The following PCDHA11 variants were observed in gnomAD, a reference collection of about 807,000 sequenced individuals.
The protein encoded by PCDHA11 is protocadherin alpha 11, also known as protocadherin alpha-11.
PCDHA11 carries 61 observed loss-of-function variants against 70.3 expected under a neutral mutation model. The ratio of observed to expected loss-of-function variants is 0.87; its 90% CI spans 0.71 to 1.07. The LOEUF (loss-of-function observed/expected upper bound fraction) is 1.07. PCDHA11 is among the 50% of genes least tolerant of loss of function. The pLI is 0.00. For missense variants in PCDHA11, 1,324 were observed against 1,237.5 expected, an observed-to-expected ratio of 1.07 and a Z score of -1.05; for synonymous variants, 633 against 555.1, an observed-to-expected ratio of 1.14 and a Z score of -1.97.
In PCDHA11 at chr5:140,870,784, G is replaced by T. The variant is rs374163229; in HGVS notation, c.1681G>T (p.Ala561Ser). The T allele has an allele frequency of 3.1e-6, 5 of 1,613,574 alleles. No individual in the cohort carries two copies. The highest frequency in any genetic ancestry group is 4.2e-6 in the Non-Finnish European group (5 of 1,179,882). The change falls in exon 1 of 4, where the codon GCG (alanine) becomes TCG (serine). Residue 561 changes from alanine (A) to serine (S), a missense_variant. Ala to Ser is a moderately conservative substitution (Grantham distance 99, BLOSUM62 1). Transcript: ENST00000398640. ...QVFVLDENDN[A>S]PALLATQAGS... ...GTTCGTGCTGGACGAGAACGACAAC[G>T]CGCCGGCACTGCTGGCGACTCAGGC...
intron 1 of PCDHA11, among the ~76,000 whole-genome samples, chr5:140,903,073 T>C (rs1181656778): frequency 6.6e-6 from 1 of 152,196 alleles, no homozygotes; most frequent in Admixed American, 6.5e-5. Context: ...TTTGGGTAGA[T>C]ACCTGATAGT....
intron 1 of PCDHA11, among the ~76,000 whole-genome samples, chr5:140,892,079 G>A (rs985463495): frequency 2.0e-5 from 3 of 152,066 alleles, no homozygotes; most frequent in Admixed American, 6.6e-5. Context: ...ATAATTTCTA[G>A]TTTCCTCTCG....
At chr5:140,901,942 T>C (rs1307043698) in intron 1 of PCDHA11, among the ~76,000 whole-genome samples, 4 of 152,128 alleles carry the variant, frequency 2.6e-5, no homozygotes, top group Non-Finnish European at 5.9e-5. Flanking sequence ...TAGGTATATT[T>C]AGTTTTATTC....
intron 3 of PCDHA11, among the ~76,000 whole-genome samples, chr5:140,998,973 G>A (rs572810777): frequency 1.3e-5 from 2 of 152,352 alleles, no homozygotes; most frequent in African/African-American, 2.4e-5. Flanking sequence ...TAGTATCCTA[G>A]AAAATAGTAG....
chr5:140,985,887 C>A (rs765609645), intron 3 of PCDHA11, among the ~76,000 whole-genome samples: 2 of 151,840 alleles, frequency 1.3e-5, no homozygotes, highest in Non-Finnish European at 2.9e-5. Context: ...CTACAGGCGC[C>A]CGCCACCACT....
At chr5:140,871,934 C>T (rs2053394158) in intron 1 of PCDHA11, among the ~76,000 whole-genome samples, 1 of 152,222 alleles carries the variant, frequency 6.6e-6, no homozygotes, top group Non-Finnish European at 1.5e-5. Flanking sequence ...GTTAGATCAA[C>T]TGGCTTTGTT....
intron 1 of PCDHA11, among the ~76,000 whole-genome samples, chr5:140,942,264 G>T (rs868983277): frequency 5.9e-5 from 9 of 152,122 alleles, no homozygotes; most frequent in Non-Finnish European, 1.2e-4. Flanking sequence ...GATATCTAAA[G>T]CTGGTAATGG....
intron 1 of PCDHA11, chr5:140,875,853 C>T (rs2055871558): frequency 6.2e-7 from 1 of 1,614,162 alleles, no homozygotes; most frequent in African/African-American, 1.3e-5. Flanking sequence ...AGGACATTAA[C>T]GACAACCCGC....
In PCDHA11 at chr5:140,926,166, C is replaced by G. The variant is rs116217295; in HGVS notation, c.2392-52783C>G. 1.9e-3 allele frequency among the ~76,000 whole-genome samples: 292 copies of G among 151,864 alleles called. 1 individual carries two copies. The highest frequency in any genetic ancestry group is 6.7e-3 in the African/African-American group (280 of 41,552). ...AGCGCGGAAAGCTCTGCAGCAGGAT[C>G]CAGCGCGGAAAGCCCCCCGCAGCAC... On this transcript the variant is annotated intron_variant, in intron 1 of 3. Coordinates refer to ENST00000398640, the MANE Select transcript of PCDHA11 (RefSeq NM_018902.5).
chr5:140,876,454 C>A, intron 1 of PCDHA11: 2 of 1,613,996 alleles, frequency 1.2e-6, no homozygotes, highest in Non-Finnish European at 1.7e-6. Context: ...TAAAGGGATT[C>A]CTTCCATGGC....
Position 140,969,197 on chromosome 5 carries a change from A to G in PCDHA11, c.2392-9752A>G, listed in dbSNP as rs782342139. 4 of 1,614,132 alleles carry G rather than the reference A, an allele frequency of 2.5e-6. No individual in the cohort carries two copies. In the South Asian group the frequency reaches 4.4e-5, roughly 18 times the overall value. On this transcript the variant is annotated intron_variant, in intron 1 of 3. Coordinates refer to ENST00000398640, the MANE Select transcript of PCDHA11 (RefSeq NM_018902.5). ...GAGTGACACTTTCATGTTTTACAAT[A>G]CAGGGGCCCAGACAGGACCAGGGCC...
chr5:140,945,496 A>G (rs2093798194), intron 1 of PCDHA11, among the ~76,000 whole-genome samples: 1 of 152,142 alleles, frequency 6.6e-6, no homozygotes, highest in South Asian at 2.1e-4. Context: ...TACCCAAAGC[A>G]ATATTGAGCA....
intron 1 of PCDHA11, among the ~76,000 whole-genome samples, chr5:140,899,982 A>AT (rs1290251020): frequency 2.0e-5 from 3 of 150,600 alleles, no homozygotes; most frequent in African/African-American, 4.9e-5. Context: ...TACTTTTTTG[A>AT]TTTTTTTTGT....
intron 1 of PCDHA11, among the ~76,000 whole-genome samples, chr5:140,959,306 T>C (rs1554224009): frequency 6.6e-6 from 1 of 152,072 alleles, no homozygotes. Flanking sequence ...AGCCCGGTGG[T>C]TGAAGCTGCA....
intron 1 of PCDHA11, chr5:140,967,284 A>C: frequency 6.2e-7 from 1 of 1,613,190 alleles, no homozygotes. Context: ...GAGAGTGCGC[A>C]GGACCCCGAC....
Position 140,939,297 on chromosome 5 carries a change from T to C in PCDHA11, c.2392-39652T>C, listed in dbSNP as rs116782192. Among the ~76,000 whole-genome samples the C allele has an allele frequency of 5.4e-3, 827 of 152,242 alleles. 3 individuals are homozygous for C. The highest frequency in any genetic ancestry group is 0.019 in the African/African-American group (796 of 41,542). ...TGTGCCCTCGTGATCTAATCATCTC[T>C]ACAAAAGCCCTACCTCCTAATATCA... On this transcript the variant is annotated intron_variant, in intron 1 of 3. Coordinates refer to ENST00000398640, the MANE Select transcript of PCDHA11 (RefSeq NM_018902.5).
chr5:140,928,474 C>T, intron 1 of PCDHA11: 1 of 1,614,090 alleles, frequency 6.2e-7, no homozygotes, highest in Non-Finnish European at 8.5e-7. Flanking sequence ...AGTAGAAGGC[C>T]GGGATGGTGG....
intron 1 of PCDHA11, among the ~76,000 whole-genome samples, chr5:140,941,551 G>A (rs1247023682): frequency 4.0e-5 from 6 of 151,616 alleles, no homozygotes; most frequent in Non-Finnish European, 8.8e-5. Flanking sequence ...TCCTGACCTC[G>A]TGATCCATTC....
chr5:140,985,643 A>C (rs564908892), intron 3 of PCDHA11, among the ~76,000 whole-genome samples: 10 of 151,298 alleles, frequency 6.6e-5, no homozygotes, highest in African/African-American at 1.9e-4. Context: ...TCATCCCAAC[A>C]CTTGCAATGG....
Sources: allele counts gnomAD v4.1 joint callset (sites outside exome capture counted in the v4.1 genomes callset), GRCh38; gene constraint gnomAD v4.1.1; transcripts MANE v1.5; gene names NCBI Gene and HGNC (gene_info 2026-07-23, HGNC 2026-07-21).